DIAPH2: variants seen among roughly 807,000 people sequenced by gnomAD.
DIAPH2 encodes diaphanous related formin 2, also known as protein diaphanous homolog 2.
DIAPH2 carries 35 observed loss-of-function variants against 92.7 expected under a neutral mutation model. The ratio of observed to expected loss-of-function variants is 0.38; its 90% CI spans 0.29 to 0.50. The LOEUF is 0.50. Ranked by LOEUF, DIAPH2 falls within the 20% of genes least tolerant of loss-of-function variation. DIAPH2 has a pLI of 0.94. For synonymous variants in DIAPH2, 301 were observed against 280.4 expected (o/e 1.07, Z -0.73); for missense variants, 701 against 819.5 (o/e 0.86, Z 1.77).
At chrX:96,759,165 A>G (rs2064251983) in intron 4 of DIAPH2, among the ~76,000 whole-genome samples, 1 of 111,040 alleles carries the variant, frequency 9.0e-6, no homozygotes, top group Non-Finnish European at 1.9e-5. Flanking sequence ...TTTAAATTTC[A>G]TAAGTTGACC....
intron 3 of DIAPH2, among the ~76,000 whole-genome samples, chrX:96,751,202 G>A (rs2064184636): frequency 9.0e-6 from 1 of 111,417 alleles, no homozygotes; most frequent in South Asian, 3.7e-4. Context: ...CTGAAGTGAA[G>A]GAATTTGTCT....
At chrX:97,042,604 CTG>C (rs1362301726) in intron 17 of DIAPH2, among the ~76,000 whole-genome samples, 1 of 112,068 alleles carries the variant, frequency 8.9e-6, no homozygotes, top group African/African-American at 3.2e-5. Context: ...ATCAGAAAAA[CTG>C]AAATACTATT....
chrX:97,325,095 C>T (rs1383469432), intron 23 of DIAPH2, among the ~76,000 whole-genome samples: 3 of 112,240 alleles, frequency 2.7e-5, no homozygotes, highest in Admixed American at 9.5e-5. Flanking sequence ...CCACCTCACC[C>T]GGCCAATAAA....
chrX:97,059,224 A>G (rs1436220376), intron 17 of DIAPH2, among the ~76,000 whole-genome samples: 1 of 111,700 alleles, frequency 9.0e-6, no homozygotes, highest in Non-Finnish European at 1.9e-5. Flanking sequence ...ACAATAGCTC[A>G]TGTCATATCC....
intron 3 of DIAPH2, among the ~76,000 whole-genome samples, chrX:96,751,390 C>A (rs1461862450): frequency 4.7e-5 from 5 of 107,153 alleles, no homozygotes; most frequent in Non-Finnish European, 7.7e-5. Flanking sequence ...TCCTGGCTAA[C>A]ACGGTGAAAC....
chrX:97,092,875 C>T (rs769768498), intron 19 of DIAPH2, among the ~76,000 whole-genome samples: 13 of 111,082 alleles, frequency 1.2e-4, no homozygotes, highest in Middle Eastern at 9.3e-3. Context: ...ATCTGTCAAC[C>T]TATTTTGTCT....
At chrX:97,356,483 G>T (rs1413994285) in intron 24 of DIAPH2, among the ~76,000 whole-genome samples, 1 of 111,574 alleles carries the variant, frequency 9.0e-6, no homozygotes, top group African/African-American at 3.3e-5. Context: ...TTGAAAATAG[G>T]CAATCCATGG....
rs60989289 is a variant in DIAPH2, at chrX:97,427,657, G to GTTTTGTTTTTGTTTTTGT, written c.3146-1968_3146-1951dup. 3.3e-3 allele frequency among the ~76,000 whole-genome samples: 317 copies of GTTTTGTTTTTGTTTTTGT among 97,445 alleles called. 2 individuals are homozygous for GTTTTGTTTTTGTTTTTGT. Among genetic ancestry groups the GTTTTGTTTTTGTTTTTGT allele is most frequent in the South Asian group, 0.01 (18 of 1,777 alleles). The allele number at this position is 97,445 out of a possible 115,157, so 84.6% of individuals were successfully genotyped here. A position where few individuals can be genotyped will look rare whatever the true frequency, so the allele number is the denominator to read the frequency against. ...GAGCTTAATGAATGTTGTTTTGTTT[G>GTTTTGTTTTTGTTTTTGT]TTTTGTTTTTGTTTTTGTTTTTGTT... On this transcript the variant is annotated intron_variant, in intron 25 of 26. Transcript: ENST00000324765.
chrX:96,967,363 G>T (rs2065899136), intron 17 of DIAPH2, among the ~76,000 whole-genome samples: 1 of 108,316 alleles, frequency 9.2e-6, no homozygotes, highest in African/African-American at 3.4e-5. Context: ...TACTGCAAAG[G>T]ATATCATTTT....
chrX:96,956,345 C>T (rs767378412), intron 15 of DIAPH2, among the ~76,000 whole-genome samples: 1 of 111,945 alleles, frequency 8.9e-6, no homozygotes, highest in Non-Finnish European at 1.9e-5. Flanking sequence ...ATTTTTCTCT[C>T]CTAGGCCTCC....
intron 23 of DIAPH2, among the ~76,000 whole-genome samples, chrX:97,314,302 C>G (rs1168293682): frequency 9.2e-6 from 1 of 108,932 alleles, no homozygotes. Flanking sequence ...GTCCCAGCTA[C>G]TCGGTAGGCT....
chrX:96,902,707 C>T (rs1219088060), intron 5 of DIAPH2, among the ~76,000 whole-genome samples: 1 of 110,505 alleles, frequency 9.0e-6, no homozygotes, highest in Non-Finnish European at 1.9e-5. Context: ...CATATTTAAC[C>T]ATGGTTAAGA....
chrX:97,436,535 A>G (rs867476380), intron 26 of DIAPH2, among the ~76,000 whole-genome samples: 22 of 112,122 alleles, frequency 2.0e-4, no homozygotes, highest in African/African-American at 7.1e-4. Flanking sequence ...GGGACAAGAA[A>G]CAATGTTATA....
chrX:96,863,658 A>T (rs1364119326), intron 4 of DIAPH2, among the ~76,000 whole-genome samples: 1 of 110,927 alleles, frequency 9.0e-6, no homozygotes, highest in African/African-American at 3.3e-5. Context: ...TTTTTTACCT[A>T]ATTGAAACAT....
chrX:97,175,448 CTGGTT>C (rs1357381688), intron 22 of DIAPH2, among the ~76,000 whole-genome samples: 1 of 111,622 alleles, frequency 9.0e-6, no homozygotes, highest in Non-Finnish European at 1.9e-5. Flanking sequence ...TTTCTGAACC[CTGGTT>C]TTAAGAAATT....
At chrX:97,119,470 T>G (rs2147383800) in intron 21 of DIAPH2, among the ~76,000 whole-genome samples, 1 of 111,535 alleles carries the variant, frequency 9.0e-6, no homozygotes, top group Non-Finnish European at 1.9e-5. Flanking sequence ...GGGGGTGAAA[T>G]GGACTCTGTA....
At chrX:97,032,051 A>G (rs2066379144) in intron 17 of DIAPH2, among the ~76,000 whole-genome samples, 1 of 111,808 alleles carries the variant, frequency 8.9e-6, no homozygotes, top group South Asian at 3.8e-4. Flanking sequence ...AAAGGGATGA[A>G]GTTACCTACT....
chrX:96,736,445 C>T (rs1223486326), intron 2 of DIAPH2, among the ~76,000 whole-genome samples: 3 of 111,272 alleles, frequency 2.7e-5, no homozygotes, highest in African/African-American at 9.8e-5. Flanking sequence ...GGCTGGAGTG[C>T]AGTGGCGCGA....
chrX:97,005,641 G>A (rs1211995072), intron 17 of DIAPH2, among the ~76,000 whole-genome samples: 6 of 111,067 alleles, frequency 5.4e-5, no homozygotes, highest in Admixed American at 9.6e-5. Flanking sequence ...CCGGGTTCAC[G>A]CCATTCTCCT....
Sources: gnomAD v4.1 joint callset for allele counts (sites outside exome capture counted in the v4.1 genomes callset) on GRCh38, gnomAD v4.1.1 for gene constraint, MANE v1.5 for transcripts, NCBI Gene and HGNC (gene_info 2026-07-23, HGNC 2026-07-21) for gene names.